The following PEX5L variants were observed in gnomAD, a reference collection of about 807,000 sequenced individuals.
PEX5L encodes the protein PEX5-related protein.
PEX5L carries 30 observed loss-of-function variants against 84.0 expected under a neutral mutation model. The ratio of observed to expected loss-of-function variants is 0.36; its 90% CI spans 0.27 to 0.48. The LOEUF is 0.48. Among genes scored for constraint, PEX5L ranks in the 20% least tolerant of loss-of-function variants. The pLI is 0.99. For missense variants in PEX5L, 533 were observed against 754.6 expected, an observed-to-expected ratio of 0.71 and a Z score of 3.44; for synonymous variants, 270 against 283.1, an observed-to-expected ratio of 0.95 and a Z score of 0.46.
At chr3:179,830,746 T>G (rs573352918) in intron 8 of PEX5L, among the ~76,000 whole-genome samples, 7 of 152,288 alleles carry the variant, frequency 4.6e-5, no homozygotes, top group Non-Finnish European at 7.4e-5. Context: ...TGGCAGCAGC[T>G]GCCTCATTCC....
intron 7 of PEX5L, among the ~76,000 whole-genome samples, chr3:179,866,918 C>T (rs1278041972): frequency 6.1e-5 from 9 of 148,074 alleles, no homozygotes; most frequent in African/African-American, 1.5e-4. Context: ...TCCAGCTACT[C>T]GGGAGGCTGA....
chr3:179,807,448 C>T, intron 14 of PEX5L, among the ~76,000 whole-genome samples: 1 of 152,172 alleles, frequency 6.6e-6, no homozygotes, highest in Admixed American at 6.5e-5. Flanking sequence ...ATCTGCATTT[C>T]CCAAGATGCG....
chr3:180,030,685 C>T (rs114250235), intron 1 of PEX5L, among the ~76,000 whole-genome samples: 4,539 of 152,228 alleles, frequency 0.03, 97 homozygotes, highest in South Asian at 0.041. Flanking sequence ...AGATTTCTGG[C>T]ATCACAACAA....
intron 10 of PEX5L, among the ~76,000 whole-genome samples, chr3:179,814,854 C>A (rs1391303803): frequency 1.3e-5 from 2 of 152,030 alleles, no homozygotes; most frequent in Non-Finnish European, 2.9e-5. Flanking sequence ...CTCTTCTTGC[C>A]TTCCCTCTAC....
chr3:179,949,131 T>C (rs899878397), intron 2 of PEX5L, among the ~76,000 whole-genome samples: 1 of 152,192 alleles, frequency 6.6e-6, no homozygotes, highest in Non-Finnish European at 1.5e-5. Context: ...TCTCATAGTT[T>C]AGTCCGTGTT....
chr3:179,967,237 G>A (rs1247070806), intron 2 of PEX5L, among the ~76,000 whole-genome samples: 2 of 152,122 alleles, frequency 1.3e-5, no homozygotes, highest in Non-Finnish European at 2.9e-5. Context: ...AAAGAGCATG[G>A]GACTGGATGG....
chr3:179,967,755 G>T (rs1783715245), intron 2 of PEX5L, among the ~76,000 whole-genome samples: 1 of 152,108 alleles, frequency 6.6e-6, no homozygotes. Context: ...CTTTAAAACT[G>T]CATTAGTTGT....
At chr3:179,907,049 G>A (rs983825638) in intron 2 of PEX5L, among the ~76,000 whole-genome samples, 1 of 152,152 alleles carries the variant, frequency 6.6e-6, no homozygotes, top group African/African-American at 2.4e-5. Context: ...GTATTCCAAA[G>A]TAAATATAAT....
intron 1 of PEX5L, among the ~76,000 whole-genome samples, chr3:180,029,002 G>C (rs1322330675): frequency 6.6e-6 from 1 of 152,204 alleles, no homozygotes; most frequent in Non-Finnish European, 1.5e-5. Flanking sequence ...CCAAGAGACA[G>C]ATAATCTCGC....
chr3:179,994,987 T>A (rs1787728722), intron 1 of PEX5L, among the ~76,000 whole-genome samples: 1 of 151,500 alleles, frequency 6.6e-6, no homozygotes, highest in Admixed American at 6.6e-5. Context: ...TAATACTTAA[T>A]AAACTCCCAT....
chr3:179,944,486 A>G (rs1776987271), intron 2 of PEX5L, among the ~76,000 whole-genome samples: 1 of 152,230 alleles, frequency 6.6e-6, no homozygotes, highest in African/African-American at 2.4e-5. Context: ...TGTTACGAGG[A>G]ATAAACGAAA....
chr3:179,896,650 T>A (rs1759402761), intron 3 of PEX5L, among the ~76,000 whole-genome samples: 1 of 152,160 alleles, frequency 6.6e-6, no homozygotes, highest in Admixed American at 6.6e-5. Flanking sequence ...GAACCTGCCC[T>A]AGATTGTGAA....
At chr3:179,983,921 C>A (rs920451528) in intron 1 of PEX5L, among the ~76,000 whole-genome samples, 11 of 152,012 alleles carry the variant, frequency 7.2e-5, no homozygotes, top group Admixed American at 1.3e-4. Flanking sequence ...AGATATGAAC[C>A]AATGAACCAA....
chr3:179,979,988 G>C (rs968646591), intron 1 of PEX5L, among the ~76,000 whole-genome samples: 4 of 152,060 alleles, frequency 2.6e-5, no homozygotes, highest in Admixed American at 2.6e-4. Context: ...ATGATTTTAT[G>C]ACCTTGCAAA....
At chr3:179,811,149 T>C (rs1276875281) in intron 11 of PEX5L, among the ~76,000 whole-genome samples, 1 of 152,054 alleles carries the variant, frequency 6.6e-6, no homozygotes, top group Non-Finnish European at 1.5e-5. Flanking sequence ...TCCAAAGCTA[T>C]AGGATTTATA....
At chr3:179,819,465 C>A (rs1218720934) in intron 9 of PEX5L, among the ~76,000 whole-genome samples, 1 of 152,184 alleles carries the variant, frequency 6.6e-6, no homozygotes, top group Non-Finnish European at 1.5e-5. Flanking sequence ...CATTCCCATG[C>A]CACTGGTATC....
chr3:179,875,004 T>C (rs187331377), intron 6 of PEX5L, among the ~76,000 whole-genome samples: 37 of 152,004 alleles, frequency 2.4e-4, no homozygotes, highest in Admixed American at 2.4e-3. Flanking sequence ...CCAAAAAAGG[T>C]ACCTGTATAG....
At chr3:179,888,988 G>T (rs1352699951) in intron 3 of PEX5L, among the ~76,000 whole-genome samples, 1 of 151,540 alleles carries the variant, frequency 6.6e-6, no homozygotes, top group African/African-American at 2.4e-5. Flanking sequence ...TCTTGCCTAG[G>T]CTGGTCTTGA....
At chr3:179,952,266 A>T (rs1199547288) in intron 2 of PEX5L, among the ~76,000 whole-genome samples, 1 of 152,170 alleles carries the variant, frequency 6.6e-6, no homozygotes, top group Admixed American at 6.5e-5. Context: ...CAATATACCC[A>T]CTGAATTTTA....
Sources: allele counts gnomAD v4.1 joint callset (sites outside exome capture counted in the v4.1 genomes callset), GRCh38; gene constraint gnomAD v4.1.1; transcripts MANE v1.5; gene names NCBI Gene and HGNC (gene_info 2026-07-23, HGNC 2026-07-21).